Variants in AGPAT3 observed in about 807,000 individuals in gnomAD.
AGPAT3 encodes 1-acyl-sn-glycerol-3-phosphate acyltransferase gamma.
A neutral mutation model predicts 47.3 loss-of-function variants in AGPAT3; 5 were observed. That is an observed-to-expected ratio of 0.11 (90% CI 0.06 to 0.22). AGPAT3 has a LOEUF of 0.22. Ranked by LOEUF, AGPAT3 falls within the 10% of genes least tolerant of loss-of-function variation. The pLI is 1.00. For synonymous variants in AGPAT3, 212 were observed against 208.3 expected (o/e 1.02, Z -0.15); for missense variants, 315 against 493.0 (o/e 0.64, Z 3.42).
chr21:43,973,349 A>C (rs1266479278), intron 7 of AGPAT3, among the ~76,000 whole-genome samples: 1 of 152,222 alleles, frequency 6.6e-6, no homozygotes, highest in Non-Finnish European at 1.5e-5. Context: ...GGATGATAGC[A>C]GCTGGTGGCC....
chr21:43,921,105 T>G (rs1169433810), intron 2 of AGPAT3, among the ~76,000 whole-genome samples: 1 of 152,084 alleles, frequency 6.6e-6, no homozygotes, highest in Non-Finnish European at 1.5e-5. Context: ...AGAGCAAGAC[T>G]CTGCCTCAAA....
Position 43,931,222 on chromosome 21 carries a change from C to A in AGPAT3, c.-49+27203C>A, listed in dbSNP as rs78000096. Among the ~76,000 whole-genome samples, 824 of 152,244 alleles carry A rather than the reference C, an allele frequency of 5.4e-3. 7 individuals carry two copies. The highest frequency in any genetic ancestry group is 0.018 in the African/African-American group (730 of 41,538). On this transcript the variant is annotated intron_variant, in intron 2 of 9. Coordinates refer to ENST00000291572, the MANE Select transcript of AGPAT3 (RefSeq NM_020132.5). ...CCTGTGTGCTGGACCTCCCACGTTC[C>A]CCGCATCTGGTGCTAGTGACGTCCC...
Position 43,981,523 on chromosome 21 carries a change from G to T in AGPAT3, c.1042+336G>T, listed in dbSNP as rs1397019631. ...TTTTGGGCTCTTAGGGGTCAGGCTGGGCTGGCCATTCGGGAGGTTTAAGCA... is the reference window on the plus strand; with the variant it reads ...TTTTGGGCTCTTAGGGGTCAGGCTGTGCTGGCCATTCGGGAGGTTTAAGCA... On this transcript the variant is annotated intron_variant, in intron 9 of 9. Coordinates refer to ENST00000291572, the MANE Select transcript of AGPAT3 (RefSeq NM_020132.5). The surrounding 1 kb of genome is among the most constrained non-coding windows in gnomAD (Gnocchi z 5.3). 2.5e-6 allele frequency: 1 copy of T among 400,564 alleles called. No homozygotes were observed. Among genetic ancestry groups the T allele is most frequent in the Non-Finnish European group, 4.7e-6 (1 of 214,062 alleles). 24.8% of individuals were successfully genotyped at this position (400,564 alleles called of 1,614,324 possible). A position where few individuals can be genotyped will look rare whatever the true frequency, so the allele number is the denominator to read the frequency against.
At chr21:43,980,221 A>G (rs571273153) in intron 8 of AGPAT3, among the ~76,000 whole-genome samples, 1 of 147,798 alleles carries the variant, frequency 6.8e-6, no homozygotes, top group Non-Finnish European at 1.5e-5. Context: ...GGTTGCAGTG[A>G]GCCGAGATCG....
chr21:43,935,488 G>A (rs1160499514), intron 2 of AGPAT3, among the ~76,000 whole-genome samples: 1 of 152,252 alleles, frequency 6.6e-6, no homozygotes, highest in Non-Finnish European at 1.5e-5. Flanking sequence ...TTTTTACAGT[G>A]AGAAGTGGCC....
At position 43,955,040 on chromosome 21, in the gene AGPAT3, C is replaced by T. The variant is rs1324065436; in HGVS notation, c.-48-4594C>T. The T allele has an allele frequency of 3.3e-5, 40 of 1,198,528 alleles. No homozygotes were observed. The highest frequency in any genetic ancestry group is 4.0e-5 in the Non-Finnish European group (37 of 936,146). The allele number at this position is 1,198,528 out of a possible 1,614,324, so 74.2% of individuals were successfully genotyped here. ...GAGGCTGGGACGTGAATGTGCATCA[C>T]GGCTCTATCTGTGGCCCCCAAAGGC... On this transcript the variant is annotated intron_variant, in intron 2 of 9. Transcript: ENST00000291572. This position sits in a 1 kb window ranked among gnomAD's most constrained non-coding sequence, Gnocchi z 4.1.
At chr21:43,885,403 T>C (rs1168156329) in intron 1 of AGPAT3, among the ~76,000 whole-genome samples, 1 of 151,658 alleles carries the variant, frequency 6.6e-6, no homozygotes, top group African/African-American at 2.4e-5. Flanking sequence ...TTTTTTTTTT[T>C]TTTGAGACAG....
Position 43,981,688 on chromosome 21 carries a change from G to C in AGPAT3, c.1042+501G>C, listed in dbSNP as rs1344010606. Among the ~76,000 whole-genome samples, 1 of 152,122 alleles carries C rather than the reference G, an allele frequency of 6.6e-6. No homozygotes were observed. The highest frequency in any genetic ancestry group is 2.4e-5 in the African/African-American group (1 of 41,418). On this transcript the variant is annotated intron_variant, in intron 9 of 9. Coordinates refer to ENST00000291572, the MANE Select transcript of AGPAT3 (RefSeq NM_020132.5). This position sits in a 1 kb window ranked among gnomAD's most constrained non-coding sequence, Gnocchi z 5.3. ...GACACCCAGCCTGTCCCTGTGGTGAGCTCCGGCGCCCACCCACACCCCGTA... is the reference window on the plus strand; with the variant it reads ...GACACCCAGCCTGTCCCTGTGGTGACCTCCGGCGCCCACCCACACCCCGTA...
chr21:43,865,896 C>T (rs2085495361), intron 1 of AGPAT3, among the ~76,000 whole-genome samples: 1 of 151,884 alleles, frequency 6.6e-6, no homozygotes. Context: ...ACTTTTGCCG[C>T]TCCGCGCGGG....
At chr21:43,895,281 A>ATT (rs1012497848) in intron 1 of AGPAT3, among the ~76,000 whole-genome samples, 2 of 150,486 alleles carry the variant, frequency 1.3e-5, no homozygotes, top group Non-Finnish European at 3.0e-5. Context: ...ATTTTTTTGT[A>ATT]TTTTTTTATT....
chr21:43,875,444 G>A (rs2085713164), intron 1 of AGPAT3, among the ~76,000 whole-genome samples: 1 of 152,148 alleles, frequency 6.6e-6, no homozygotes, highest in African/African-American at 2.4e-5. Flanking sequence ...CAACCATACA[G>A]CATCTGCCTT....
intron 3 of AGPAT3, chr21:43,967,046 A>C (rs759347116): frequency 3.3e-5 from 5 of 152,292 alleles, no homozygotes; most frequent in Non-Finnish European, 7.3e-5. Context: ...GTTCTCCCGA[A>C]GGTGAATGAG....
intron 2 of AGPAT3, among the ~76,000 whole-genome samples, chr21:43,923,554 G>A (rs1451971074): frequency 6.6e-6 from 1 of 152,198 alleles, no homozygotes; most frequent in African/African-American, 2.4e-5. Flanking sequence ...CTGCCCCACT[G>A]TCAGATGCCA....
chr21:43,926,177 A>C (rs935442194), intron 2 of AGPAT3, among the ~76,000 whole-genome samples: 4 of 152,244 alleles, frequency 2.6e-5, no homozygotes, highest in African/African-American at 9.6e-5. Context: ...ACCAGGGTAC[A>C]GGTCATCTGT....
At chr21:43,886,348 G>T (rs2048092616) in intron 1 of AGPAT3, among the ~76,000 whole-genome samples, 1 of 152,088 alleles carries the variant, frequency 6.6e-6, no homozygotes, top group South Asian at 2.1e-4. Flanking sequence ...CTGCCTCCCG[G>T]GTTCAAGTGA....
At chr21:43,938,947 C>T (rs1370803872) in intron 2 of AGPAT3, among the ~76,000 whole-genome samples, 2 of 152,162 alleles carry the variant, frequency 1.3e-5, no homozygotes, top group Admixed American at 1.3e-4. Context: ...CACGCTCTCT[C>T]CTCCACCAGG....
At chr21:43,868,877 G>A (rs2085564142) in intron 1 of AGPAT3, among the ~76,000 whole-genome samples, 1 of 152,170 alleles carries the variant, frequency 6.6e-6, no homozygotes, top group Non-Finnish European at 1.5e-5. Flanking sequence ...AAACTGAGTG[G>A]GGAAGTGTGG....
At chr21:43,874,288 A>G (rs544760090) in intron 1 of AGPAT3, among the ~76,000 whole-genome samples, 1 of 152,142 alleles carries the variant, frequency 6.6e-6, no homozygotes. Flanking sequence ...GGCTTCCCCG[A>G]GTGCTGGGAT....
At chr21:43,884,268 C>T (rs1411086201) in intron 1 of AGPAT3, among the ~76,000 whole-genome samples, 1 of 127,242 alleles carries the variant, frequency 7.9e-6, no homozygotes, top group Non-Finnish European at 1.7e-5. Context: ...CCCCCTCCTT[C>T]CCCCTCCTCC....
Sources: gnomAD v4.1 joint callset for allele counts (sites outside exome capture counted in the v4.1 genomes callset) on GRCh38, gnomAD v4.1.1 for gene constraint, Gnocchi (gnomAD v3.1) non-coding constraint, MANE v1.5 for transcripts, NCBI Gene and HGNC (gene_info 2026-07-23, HGNC 2026-07-21) for gene names.